LRBA: variants seen among roughly 807,000 people sequenced by gnomAD.
The protein encoded by LRBA is lipopolysaccharide-responsive and beige-like anchor protein.
LRBA carries 176 observed loss-of-function variants against 330.0 expected under a neutral mutation model. That is an observed-to-expected ratio of 0.53 (90% CI 0.47 to 0.60). LRBA has a LOEUF of 0.60. Among genes scored for constraint, LRBA ranks in the 20% least tolerant of loss-of-function variants. LRBA has a pLI of 0.00. For missense variants in LRBA, 3,259 were observed against 3,444.8 expected (o/e 0.95, Z 1.35); for synonymous variants, 1,230 against 1,193.0 (o/e 1.03, Z -0.64).
chr4:150,646,268 C>G (rs1303725922), intron 37 of LRBA, among the ~76,000 whole-genome samples: 1 of 151,904 alleles, frequency 6.6e-6, no homozygotes, highest in Non-Finnish European at 1.5e-5. Flanking sequence ...AGGGTTTTAG[C>G]ATGAGCAACG....
At chr4:150,848,697 C>A in intron 26 of LRBA, 121 bp downstream of exon 26, 2 of 749,602 alleles carry the variant, frequency 2.7e-6, no homozygotes, top group South Asian at 4.2e-5. Context: ...AAAAAGTAAC[C>A]ATATGACAAA....
chr4:150,416,634 T>TAAAAAA (rs57095412), intron 46 of LRBA, among the ~76,000 whole-genome samples: 1 of 142,522 alleles, frequency 7.0e-6, no homozygotes, highest in Non-Finnish European at 1.5e-5. Context: ...ACTGAACAAT[T>TAAAAAA]AAAAAAAAAA....
At chr4:150,974,539 T>C (rs1219947637) in intron 2 of LRBA, among the ~76,000 whole-genome samples, 1 of 152,182 alleles carries the variant, frequency 6.6e-6, no homozygotes, top group Non-Finnish European at 1.5e-5. Flanking sequence ...GCTTTAGTTG[T>C]ACAACTAAAC....
intron 36 of LRBA, among the ~76,000 whole-genome samples, chr4:150,727,927 A>T (rs1179888457): frequency 2.0e-5 from 3 of 152,166 alleles, no homozygotes; most frequent in African/African-American, 7.2e-5. Flanking sequence ...TTAAACAAAA[A>T]GTTGGCTTCT....
chr4:150,649,728 T>C (rs935226072), intron 37 of LRBA, among the ~76,000 whole-genome samples: 1 of 152,200 alleles, frequency 6.6e-6, no homozygotes, highest in East Asian at 1.9e-4. Context: ...TATCACACTG[T>C]ATCCTCTCAA....
intron 29 of LRBA, 49 bp from the exon 30 acceptor site, chr4:150,828,670 C>T (rs1746650131): frequency 6.8e-7 from 1 of 1,466,442 alleles, no homozygotes; most frequent in South Asian, 1.3e-5. Context: ...AAGTTTAGAA[C>T]TAATTTTTAA....
intron 12 of LRBA, 66 bp from the exon 13 acceptor site, chr4:150,906,056 CCTA>C: frequency 7.1e-7 from 1 of 1,405,754 alleles, no homozygotes; most frequent in Non-Finnish European, 9.9e-7. Flanking sequence ...ACAGGCTGTC[CCTA>C]CCAGGAAAAA....
chr4:150,688,002 C>A (rs2126937707), intron 36 of LRBA, among the ~76,000 whole-genome samples: 1 of 152,240 alleles, frequency 6.6e-6, no homozygotes, highest in South Asian at 2.1e-4. Context: ...CAAGACAATC[C>A]TAAGCAAAAA....
chr4:150,863,346 T>C (rs547575106), intron 22 of LRBA, among the ~76,000 whole-genome samples: 1 of 152,194 alleles, frequency 6.6e-6, no homozygotes, highest in South Asian at 2.1e-4. Context: ...AAATTATATA[T>C]TTTTCAAACT....
intron 22 of LRBA, among the ~76,000 whole-genome samples, chr4:150,866,399 C>G (rs1028740510): frequency 1.3e-5 from 2 of 152,078 alleles, no homozygotes; most frequent in African/African-American, 4.8e-5. Flanking sequence ...AGAACTCCCA[C>G]AAAACAACAA....
intron 47 of LRBA, among the ~76,000 whole-genome samples, chr4:150,386,359 C>A (rs1446465078): frequency 1.7e-4 from 26 of 151,522 alleles, no homozygotes; most frequent in Non-Finnish European, 1.5e-5. Context: ...TATTAGTGAC[C>A]CTTTGAGTAT....
At position 150,487,742 on chromosome 4, in the gene LRBA, G is replaced by T. The variant is rs763511080; in HGVS notation, c.6541C>A (p.Pro2181Thr). 3 of 1,591,508 alleles carry T rather than the reference G, an allele frequency of 1.9e-6. No individual in the cohort carries two copies. The highest frequency in any genetic ancestry group is 2.6e-6 in the Non-Finnish European group (3 of 1,163,952). Residue 2181 changes from proline to threonine, a missense_variant, in exon 42 of 57, where the codon CCT becomes ACT. Pro to Thr is a conservative substitution (Grantham distance 38, BLOSUM62 -1). Coordinates refer to ENST00000651943, the MANE Select transcript of LRBA (RefSeq NM_001364905.1). ...CATATAAAACAGTACCTGGTTTGAG[G>T]CAATCCAAAACTTGTTCCAACGCCA... is the stretch of plus-strand genomic sequence containing the variant. ...RVGVGTSFGL[P>T]QTRRISLASP...
chr4:150,819,852 T>C (rs1056578501), intron 30 of LRBA, among the ~76,000 whole-genome samples: 22 of 152,092 alleles, frequency 1.4e-4, no homozygotes, highest in African/African-American at 2.2e-4. Context: ...TCAGTAAATA[T>C]TTATTGTCCA....
intron 17 of LRBA, among the ~76,000 whole-genome samples, chr4:150,878,216 G>A (rs1042121527): frequency 3.3e-5 from 5 of 151,924 alleles, no homozygotes; most frequent in African/African-American, 1.2e-4. Flanking sequence ...GTGGGCACCT[G>A]TAATCCCAGC....
At chr4:150,987,474 G>A (rs1336527995) in intron 2 of LRBA, among the ~76,000 whole-genome samples, 3 of 151,834 alleles carry the variant, frequency 2.0e-5, no homozygotes, top group Admixed American at 6.6e-5. Context: ...GGACTGAGGC[G>A]GGCAGACCAC....
intron 36 of LRBA, among the ~76,000 whole-genome samples, chr4:150,725,673 C>T (rs779643979): frequency 6.6e-6 from 1 of 152,080 alleles, no homozygotes; most frequent in Non-Finnish European, 1.5e-5. Context: ...ATAGTAAGCA[C>T]ACAGAAAAGC....
intron 28 of LRBA, 23 bp downstream of exon 28, chr4:150,844,077 G>A: frequency 7.1e-7 from 1 of 1,402,352 alleles, no homozygotes; most frequent in Non-Finnish European, 1.0e-6. Flanking sequence ...AAGAGAGTAT[G>A]TGAAAGACAT....
At position 150,808,395 on chromosome 4, in the gene LRBA, C is replaced by T. The variant is rs1283380616; in HGVS notation, c.5309G>A (p.Ser1770Asn). The T allele has an allele frequency of 1.3e-6, 2 of 1,583,856 alleles. No homozygotes were observed. The highest frequency in any genetic ancestry group is 1.3e-5 in the African/African-American group (1 of 74,298). Residue 1770 changes from serine (S) to asparagine (N), a missense_variant, in exon 32 of 57, where the codon AGT becomes AAT. Transcript: ENST00000651943. Reference protein sequence around the residue: ...ASDMGGESPGSRSSNAKLPSV... With the variant: ...ASDMGGESPGNRSSNAKLPSV... ...GGGCAATTTTGCATTAGATGATCTACTGCCTATAAAAGAAAAATAACCATC... is the reference window on the plus strand; with the variant it reads ...GGGCAATTTTGCATTAGATGATCTATTGCCTATAAAAGAAAAATAACCATC...
intron 22 of LRBA, among the ~76,000 whole-genome samples, chr4:150,867,414 T>A (rs1414740385): frequency 6.6e-6 from 1 of 152,220 alleles, no homozygotes; most frequent in Non-Finnish European, 1.5e-5. Context: ...TAAATTCCTT[T>A]ATGCTGTGGC....
Sources: allele counts gnomAD v4.1 joint callset (sites outside exome capture counted in the v4.1 genomes callset), GRCh38; gene constraint gnomAD v4.1.1; transcripts MANE v1.5; gene names NCBI Gene and HGNC (gene_info 2026-07-23, HGNC 2026-07-21).